The following BORCS5 variants were observed in gnomAD, a reference collection of about 807,000 sequenced individuals.
BORCS5 encodes the protein BLOC-1 related complex subunit 5, also known as BLOC-1-related complex subunit 5.
In BORCS5, 17 loss-of-function variants were observed where a neutral mutation model predicts 22.1. That is an observed-to-expected ratio of 0.77 (90% CI 0.53 to 1.15). The LOEUF is 1.15. Ranked by LOEUF, BORCS5 falls within the 50% of genes most tolerant of loss-of-function variation. The pLI is 0.00. For missense variants in BORCS5, 247 were observed against 253.2 expected (o/e 0.98, Z 0.17); for synonymous variants, 117 against 99.8 (o/e 1.17, Z -1.03).
In BORCS5 at chr12:12,401,926, C is replaced by T. The variant is rs561617360; in HGVS notation, c.203-33702C>T. On this transcript the variant is annotated intron_variant, in intron 2 of 3. Transcript: ENST00000314565. ...AAAAAATACAAAAAAATTAGCTGGG[C>T]TTGGTGGTGGGCGCCTGTAGTCCCA... Among the ~76,000 whole-genome samples the T allele has an allele frequency of 4.2e-3, 636 of 151,612 alleles. 8 individuals carry two copies. The highest frequency in any genetic ancestry group is 0.014 in the African/African-American group (597 of 41,350).
intron 2 of BORCS5, among the ~76,000 whole-genome samples, chr12:12,420,406 T>G (rs184695817): frequency 3.5e-4 from 54 of 152,318 alleles, no homozygotes; most frequent in African/African-American, 1.3e-3. Flanking sequence ...TTGGTCTATA[T>G]CTCTGTTTTG....
chr12:12,468,925 T>C lies in BORCS5; in HGVS notation c.*3149T>C, dbSNP rs1189285798. On this transcript the variant is annotated 3_prime_UTR_variant, in exon 4 of 4. Coordinates refer to ENST00000314565, the MANE Select transcript of BORCS5 (RefSeq NM_058169.6). ...GACCACACATATATAGTTTCCTGTG[T>C]CTTAGATGATAACATCCTTAAAATA... 1 of 152,194 alleles carries C rather than the reference T, an allele frequency of 6.6e-6. No homozygotes were observed. The highest frequency in any genetic ancestry group is 2.4e-5 in the African/African-American group (1 of 41,452). The allele number at this position is 152,194 out of a possible 1,614,324, so 9.4% of individuals were successfully genotyped here.
At chr12:12,372,584 C>T (rs536100025) in intron 2 of BORCS5, among the ~76,000 whole-genome samples, 1 of 152,154 alleles carries the variant, frequency 6.6e-6, no homozygotes, top group East Asian at 1.9e-4. Context: ...TACTTGTAGT[C>T]ATTTGGACCC....
chr12:12,386,238 T>A (rs1357048223), intron 2 of BORCS5, among the ~76,000 whole-genome samples: 1 of 151,194 alleles, frequency 6.6e-6, no homozygotes, highest in Admixed American at 6.6e-5. Context: ...TTGCCTCAAG[T>A]GATCCACCTG....
rs549509811 is a variant in BORCS5 at position 12,470,491 on chromosome 12, G to A, written c.*4715G>A. Among the ~76,000 whole-genome samples, 11 of 152,230 alleles carry A rather than the reference G, an allele frequency of 7.2e-5. No individual in the cohort carries two copies. The highest frequency in any genetic ancestry group is 2.1e-4 in the South Asian group (1 of 4,822). ...GTGAACCCTATTGTGAACTGCGCAC[G>A]TGAAGGATCTAGGTTTTGCGCTCCT... On this transcript the variant is annotated 3_prime_UTR_variant, in exon 4 of 4. Coordinates refer to ENST00000314565, the MANE Select transcript of BORCS5 (RefSeq NM_058169.6).
Position 12,433,322 on chromosome 12 carries a change from CAAAAAAAAAAAAA to C in BORCS5, c.203-2292_203-2280del, listed in dbSNP as rs34833037. Among the ~76,000 whole-genome samples, 59 of 40,700 alleles carry C rather than the reference CAAAAAAAAAAAAA, an allele frequency of 1.4e-3. 1 individual carries two copies. Among genetic ancestry groups the C allele is most frequent in the Admixed American group, 2.7e-3 (7 of 2,584 alleles). The allele number at this position is 40,700 out of a possible 152,430, so 26.7% of individuals were successfully genotyped here. On this transcript the variant is annotated intron_variant, in intron 2 of 3. Transcript: ENST00000314565. Reference sequence around the variant, plus strand: ...TGGAAGACAGAGCGAGACTGTGTCTCAAAAAAAAAAAAAAAAAAAAAAAAAAGGAAATCTGCCC... The same window carrying C: ...TGGAAGACAGAGCGAGACTGTGTCTCAAAAAAAAAAAAAGGAAATCTGCCC...
intron 2 of BORCS5, among the ~76,000 whole-genome samples, chr12:12,432,359 T>C (rs1038669127): frequency 1.3e-5 from 2 of 152,230 alleles, no homozygotes; most frequent in African/African-American, 4.8e-5. Flanking sequence ...TTCCTGGAAA[T>C]GTATTTCTTG....
intron 3 of BORCS5, among the ~76,000 whole-genome samples, chr12:12,453,533 C>T (rs1169079691): frequency 6.6e-6 from 1 of 152,084 alleles, no homozygotes; most frequent in Non-Finnish European, 1.5e-5. Context: ...TTCGTAAACT[C>T]GAAAGTGGCC....
At chr12:12,431,312 T>C (rs1942418614) in intron 2 of BORCS5, among the ~76,000 whole-genome samples, 1 of 152,154 alleles carries the variant, frequency 6.6e-6, no homozygotes, top group Non-Finnish European at 1.5e-5. Context: ...ATAAGTGAGG[T>C]TGTGCATCTT....
chr12:12,414,081 C>T (rs1322646927), intron 2 of BORCS5, among the ~76,000 whole-genome samples: 5 of 85,220 alleles, frequency 5.9e-5, no homozygotes, highest in Non-Finnish European at 7.4e-5. Context: ...ACATCCCTCC[C>T]GGACGGGGCG....
chr12:12,398,676 G>A (rs1046454286), intron 2 of BORCS5, among the ~76,000 whole-genome samples: 1 of 152,102 alleles, frequency 6.6e-6, no homozygotes, highest in Non-Finnish European at 1.5e-5. Flanking sequence ...TCAAAATATG[G>A]TCATTTTAAT....
chr12:12,414,141 G>A (rs1283730534), intron 2 of BORCS5, among the ~76,000 whole-genome samples: 2 of 96,590 alleles, frequency 2.1e-5, no homozygotes, highest in East Asian at 2.9e-4. Context: ...TGGACGGGGC[G>A]GCTGGCCGGG....
At chr12:12,438,374 A>AAAAAAAAAAAAAAAAAAAAAC (rs1555156024) in intron 3 of BORCS5, among the ~76,000 whole-genome samples, 2 of 125,046 alleles carry the variant, frequency 1.6e-5, no homozygotes, top group Non-Finnish European at 3.1e-5. Context: ...AAAAAAAAAA[A>AAAAAAAAAAAAAAAAAAAAAC]AAAAAACGAA....
chr12:12,406,550 T>G (rs1477286840), intron 2 of BORCS5, among the ~76,000 whole-genome samples: 1 of 152,204 alleles, frequency 6.6e-6, no homozygotes, highest in Non-Finnish European at 1.5e-5. Context: ...CAGATTTTTT[T>G]CTTGCATCCT....
chr12:12,430,578 C>G (rs1400142111), intron 2 of BORCS5, among the ~76,000 whole-genome samples: 1 of 152,012 alleles, frequency 6.6e-6, no homozygotes, highest in African/African-American at 2.4e-5. Flanking sequence ...AGTTCTTACT[C>G]ATAGATGAGG....
At chr12:12,405,047 C>T (rs1320009602) in intron 2 of BORCS5, among the ~76,000 whole-genome samples, 1 of 152,102 alleles carries the variant, frequency 6.6e-6, no homozygotes, top group Non-Finnish European at 1.5e-5. Context: ...CACACTTTTT[C>T]CCTTAAGGAC....
At chr12:12,379,227 T>A (rs531164412) in intron 2 of BORCS5, among the ~76,000 whole-genome samples, 6 of 150,242 alleles carry the variant, frequency 4.0e-5, no homozygotes, top group African/African-American at 1.5e-4. Flanking sequence ...TTCAAGTGAT[T>A]CTCTTGCCTC....
chr12:12,396,625 G>C lies in BORCS5; in HGVS notation c.202+35276G>C, dbSNP rs113119052. Reference sequence around the variant, plus strand: ...TTCTAGAGGGTACGCTAAAACTCTTGGAGGGAGTGGGGGGTGGGGGTTATA... The same window carrying C: ...TTCTAGAGGGTACGCTAAAACTCTTCGAGGGAGTGGGGGGTGGGGGTTATA... On this transcript the variant is annotated intron_variant, in intron 2 of 3. Coordinates refer to ENST00000314565, the MANE Select transcript of BORCS5 (RefSeq NM_058169.6). Among the ~76,000 whole-genome samples, 791 of 152,198 alleles carry C rather than the reference G, an allele frequency of 5.2e-3. 4 individuals are homozygous for C. Among genetic ancestry groups the C allele is most frequent in the Non-Finnish European group, 8.7e-3 (593 of 68,008 alleles).
At position 12,409,098 on chromosome 12, in the gene BORCS5, T is replaced by G. The variant is rs191085160; in HGVS notation, c.203-26530T>G. Among the ~76,000 whole-genome samples, 186 of 151,742 alleles carry G rather than the reference T, an allele frequency of 1.2e-3. 2 individuals are homozygous for G. Among genetic ancestry groups the G allele is most frequent in the African/African-American group, 3.6e-3 (148 of 41,324 alleles). On this transcript the variant is annotated intron_variant, in intron 2 of 3. Transcript: ENST00000314565. Reference sequence around the variant, plus strand: ...GTTCTACATCTTTGCCATCATTTTTTTTTGTTTGTTTTTGATACTAGCCAT... The same window carrying G: ...GTTCTACATCTTTGCCATCATTTTTGTTTGTTTGTTTTTGATACTAGCCAT...
Sources: allele counts gnomAD v4.1 joint callset (sites outside exome capture counted in the v4.1 genomes callset), GRCh38; gene constraint gnomAD v4.1.1; transcripts MANE v1.5; gene names NCBI Gene and HGNC (gene_info 2026-07-23, HGNC 2026-07-21).